PROX1: variants seen among roughly 807,000 people sequenced by gnomAD.
PROX1 encodes prospero homeobox protein 1.
In PROX1, 7 loss-of-function variants were observed where a neutral mutation model predicts 58.8. The ratio of observed to expected loss-of-function variants is 0.12; its 90% CI spans 0.07 to 0.22. PROX1 has a LOEUF of 0.22. Among genes scored for constraint, PROX1 ranks in the 10% least tolerant of loss-of-function variants. The pLI, the probability that PROX1 is intolerant of heterozygous loss-of-function variation, is 1.00. For missense variants in PROX1, 675 were observed against 927.8 expected (o/e 0.73, Z 3.54); for synonymous variants, 350 against 358.3 (o/e 0.98, Z 0.26).
At chr1:214,016,394 C>T (rs956587689) in intron 4 of PROX1, among the ~76,000 whole-genome samples, 1 of 152,174 alleles carries the variant, frequency 6.6e-6, no homozygotes, top group Non-Finnish European at 1.5e-5. Context: ...ATTTAGGAAG[C>T]GCTTCCCTCT....
Position 214,004,468 on chromosome 1 carries a change from C to T in PROX1, c.1726-697C>T, listed in dbSNP as rs142124157. ...CTCTCAAAGGAGTTAACTATAAATCCAAGACAGGCAAATTGTATTTGGTTT... is the reference window on the plus strand; with the variant it reads ...CTCTCAAAGGAGTTAACTATAAATCTAAGACAGGCAAATTGTATTTGGTTT... On this transcript the variant is annotated intron_variant, in intron 2 of 4. Transcript: ENST00000366958. 4.5e-4 allele frequency among the ~76,000 whole-genome samples: 69 copies of T among 152,278 alleles called. 1 individual carries two copies. In the Middle Eastern group the frequency reaches 0.014, roughly 30 times the overall value.
chr1:213,986,122 T>C (rs1261096785), upstream of PROX1: 3 of 152,214 alleles, frequency 2.0e-5, no homozygotes, highest in Non-Finnish European at 2.9e-5. Context: ...CTAATGGGCA[T>C]GTTGATTATT....
chr1:214,023,573 G>A (rs1664356748), intron 4 of PROX1, among the ~76,000 whole-genome samples: 1 of 152,044 alleles, frequency 6.6e-6, no homozygotes, highest in Admixed American at 6.5e-5. Context: ...AGCCTACTTG[G>A]TAGTGTTTGC....
intron 2 of PROX1, among the ~76,000 whole-genome samples, chr1:214,004,567 T>C (rs1663639017): frequency 6.6e-6 from 1 of 152,218 alleles, no homozygotes; most frequent in African/African-American, 2.4e-5. Context: ...TCCCAAGTTT[T>C]AGCTATTATT....
At chr1:213,998,292 C>T (rs1240325130) in intron 2 of PROX1, 32 bp downstream of exon 2, 1 of 1,513,670 alleles carries the variant, frequency 6.6e-7, no homozygotes, top group Non-Finnish European at 8.8e-7. Context: ...GAGGAAAAAA[C>T]AAACCAAAAA....
chr1:213,997,453 G>A lies in PROX1; in HGVS notation c.918G>A (p.Gln306=). The A allele has an allele frequency of 6.2e-7, 1 of 1,614,160 alleles. No homozygotes were observed. Among genetic ancestry groups the A allele is most frequent in the Non-Finnish European group, 8.5e-7 (1 of 1,180,036 alleles). The change falls in exon 2 of 5, where the codon CAG becomes CAA. Residue 306 remains glutamine (Q), a synonymous_variant. Transcript: ENST00000366958. The surrounding 1 kb of genome is among the most constrained non-coding windows in gnomAD (Gnocchi z 7.1). Reference sequence around the variant, plus strand: ...AGATGTGCGAGCTAGACCCAGGACAGTTTATTGACCGAGCTCGAGCCCTGA... The same window carrying A: ...AGATGTGCGAGCTAGACCCAGGACAATTTATTGACCGAGCTCGAGCCCTGA... ...DNEMCELDPG[Q]FIDRARALIR...
chr1:214,032,601 G>A (rs951978404), intron 4 of PROX1, among the ~76,000 whole-genome samples: 3 of 151,990 alleles, frequency 2.0e-5, no homozygotes, highest in Non-Finnish European at 4.4e-5. Flanking sequence ...TCATCATGTT[G>A]CTCAGGCTGA....
upstream of PROX1, chr1:213,985,190 G>T (rs1455093697): frequency 6.6e-6 from 1 of 152,228 alleles, no homozygotes; most frequent in Non-Finnish European, 1.5e-5. Flanking sequence ...CTTAACCCTA[G>T]GCTTGGCGGC....
chr1:214,039,155 G>T lies in PROX1; in HGVS notation c.*3321G>T, dbSNP rs760473642. 2 of 152,050 alleles carry T rather than the reference G, an allele frequency of 1.3e-5. No individual in the cohort carries two copies. The highest frequency in any genetic ancestry group is 2.9e-5 in the Non-Finnish European group (2 of 68,020). 9.4% of individuals were successfully genotyped at this position (152,050 alleles called of 1,614,324 possible). On this transcript the variant is annotated 3_prime_UTR_variant, in exon 5 of 5. Transcript: ENST00000366958. ...TGGAAAGCTTACCTTTTCCTATCTA[G>T]ATTTAAGAACCTATTTTAGACATTT...
At chr1:214,028,168 A>G (rs775098830) in intron 4 of PROX1, among the ~76,000 whole-genome samples, 2 of 152,112 alleles carry the variant, frequency 1.3e-5, no homozygotes, top group African/African-American at 4.8e-5. Context: ...CCTCTGCCTC[A>G]TTTGGGGTAA....
chr1:214,032,762 T>C (rs1664701221), intron 4 of PROX1, among the ~76,000 whole-genome samples: 1 of 152,188 alleles, frequency 6.6e-6, no homozygotes, highest in South Asian at 2.1e-4. Context: ...TAGAGACACC[T>C]TATGATGAGG....
chr1:214,021,256 C>T (rs577442024), intron 4 of PROX1, among the ~76,000 whole-genome samples: 3 of 152,238 alleles, frequency 2.0e-5, no homozygotes, highest in African/African-American at 7.2e-5. Context: ...GAATATACCA[C>T]TCCTTAAGAT....
rs192884838 is a variant in PROX1 at position 214,039,797 on chromosome 1, G to T, written c.*3963G>T. The T allele has an allele frequency of 7.8e-5, 11 of 141,794 alleles. No individual in the cohort carries two copies. Among genetic ancestry groups the T allele is most frequent in the Admixed American group, 1.5e-4 (2 of 13,738 alleles). 8.8% of individuals were successfully genotyped at this position (141,794 alleles called of 1,614,324 possible). A position where few individuals can be genotyped will look rare whatever the true frequency, so the allele number is the denominator to read the frequency against. On this transcript the variant is annotated 3_prime_UTR_variant, in exon 5 of 5. Transcript: ENST00000366958. The stretch of plus-strand genomic sequence containing the variant: ...CCCCCCTTCCCATGCGCACATGTGC[G>T]CATACACACACACACACACACACAC...
At chr1:214,014,700 T>C (rs968966605) in intron 4 of PROX1, among the ~76,000 whole-genome samples, 2 of 152,216 alleles carry the variant, frequency 1.3e-5, no homozygotes, top group African/African-American at 2.4e-5. Flanking sequence ...TTATTCTAAC[T>C]GGGCAGAGGC....
chr1:214,028,367 A>AAACTGATTTAG (rs2102769898), intron 4 of PROX1, among the ~76,000 whole-genome samples: 1 of 152,336 alleles, frequency 6.6e-6, no homozygotes, highest in Admixed American at 6.5e-5. Flanking sequence ...GATGATTTTA[A>AAACTGATTTAG]AACTGACCTT....
intron 4 of PROX1, among the ~76,000 whole-genome samples, chr1:214,024,284 T>C (rs1260734026): frequency 6.6e-6 from 1 of 152,192 alleles, no homozygotes; most frequent in Non-Finnish European, 1.5e-5. Context: ...TCCTTAGTTT[T>C]GCAAAGGGTG....
At chr1:213,999,549 A>T (rs1663416904) in intron 2 of PROX1, among the ~76,000 whole-genome samples, 1 of 152,106 alleles carries the variant, frequency 6.6e-6, no homozygotes, top group Non-Finnish European at 1.5e-5. Context: ...AATAGTGTAG[A>T]TTTCTGATAG....
chr1:214,011,825 A>G (rs1057137804), intron 4 of PROX1, 110 bp downstream of exon 4: 1 of 878,374 alleles, frequency 1.1e-6, no homozygotes, highest in Non-Finnish European at 1.7e-6. Flanking sequence ...GCATACAAGC[A>G]TCCCCCAATA....
intron 4 of PROX1, among the ~76,000 whole-genome samples, chr1:214,014,370 C>A (rs399887): frequency 0.92 from 140,486 of 152,300 alleles, 65,184 homozygotes; most frequent in Non-Finnish European, 0.98. Flanking sequence ...CAGAGCTAAA[C>A]CATGGTAGAG....
Sources: allele counts gnomAD v4.1 joint callset (sites outside exome capture counted in the v4.1 genomes callset), GRCh38; gene constraint gnomAD v4.1.1; non-coding constraint Gnocchi (gnomAD v3.1); transcripts MANE v1.5; gene names NCBI Gene and HGNC (gene_info 2026-07-23, HGNC 2026-07-21).